Variants in SPAG16 observed in about 807,000 individuals in gnomAD.
The protein encoded by SPAG16 is sperm associated antigen 16, also known as sperm-associated antigen 16 protein.
Under a neutral mutation model 80.4 loss-of-function variants are expected in SPAG16, and 86 were observed. That is an observed-to-expected ratio of 1.07 (90% CI 0.90 to 1.28). The LOEUF (loss-of-function observed/expected upper bound fraction) is 1.28, where lower values mean the gene tolerates loss of function less well. SPAG16 is among the 50% of genes most tolerant of loss of function. The pLI is 0.00. For missense variants in SPAG16, 870 were observed against 765.3 expected, an observed-to-expected ratio of 1.14 and a Z score of -1.61; for synonymous variants, 294 against 265.9, an observed-to-expected ratio of 1.11 and a Z score of -1.03.
chr2:213,394,054 G>A (rs1405831005), intron 9 of SPAG16, among the ~76,000 whole-genome samples: 1 of 151,926 alleles, frequency 6.6e-6, no homozygotes, highest in Non-Finnish European at 1.5e-5. Context: ...TATTTTTTCA[G>A]TGAATATAAG....
chr2:213,369,068 G>A (rs896722219), intron 8 of SPAG16, among the ~76,000 whole-genome samples: 1 of 152,076 alleles, frequency 6.6e-6, no homozygotes, highest in Non-Finnish European at 1.5e-5. Context: ...CAATAAAATG[G>A]TATTTTTAAA....
intron 10 of SPAG16, among the ~76,000 whole-genome samples, chr2:213,730,570 C>T (rs1257469816): frequency 1.3e-5 from 2 of 152,132 alleles, no homozygotes; most frequent in Non-Finnish European, 2.9e-5. Flanking sequence ...TTCTTATTAT[C>T]GTTTCTCTAT....
intron 5 of SPAG16, among the ~76,000 whole-genome samples, chr2:213,320,391 T>C (rs1474216640): frequency 6.6e-6 from 1 of 152,000 alleles, no homozygotes; most frequent in Admixed American, 6.6e-5. Flanking sequence ...CTCAAACATT[T>C]ATGATTTTTT....
chr2:213,391,893 A>G (rs2067772843), intron 9 of SPAG16, among the ~76,000 whole-genome samples: 1 of 152,162 alleles, frequency 6.6e-6, no homozygotes, highest in African/African-American at 2.4e-5. Context: ...AAACATGGAG[A>G]TTAGAGAATT....
intron 12 of SPAG16, among the ~76,000 whole-genome samples, chr2:213,999,273 G>C (rs1311026284): frequency 6.6e-6 from 1 of 152,212 alleles, no homozygotes; most frequent in Non-Finnish European, 1.5e-5. Context: ...TTTTTGCCCT[G>C]CATCCCAGAT....
At chr2:214,123,699 G>A (rs2054332972) in intron 14 of SPAG16, among the ~76,000 whole-genome samples, 1 of 151,992 alleles carries the variant, frequency 6.6e-6, no homozygotes, top group Admixed American at 6.6e-5. Context: ...TAAGGTGAGA[G>A]TTGGGGCTTA....
intron 10 of SPAG16, among the ~76,000 whole-genome samples, chr2:213,508,153 C>T (rs565282663): frequency 5.6e-4 from 86 of 152,296 alleles, no homozygotes; most frequent in Non-Finnish European, 9.0e-4. Context: ...CACATGCACA[C>T]GTATGTTTAT....
At chr2:214,364,233 A>G (rs1699345360) in intron 15 of SPAG16, among the ~76,000 whole-genome samples, 1 of 152,062 alleles carries the variant, frequency 6.6e-6, no homozygotes, top group South Asian at 2.1e-4. Flanking sequence ...TCGGACATAT[A>G]CCAGATTCTC....
intron 9 of SPAG16, among the ~76,000 whole-genome samples, chr2:213,400,788 C>T (rs571537446): frequency 6.6e-6 from 1 of 151,994 alleles, no homozygotes; most frequent in Admixed American, 6.6e-5. Context: ...GATTCTACTT[C>T]CCTGATTTTT....
At chr2:213,796,290 GAAA>G (rs1332373215) in intron 10 of SPAG16, among the ~76,000 whole-genome samples, 5 of 151,738 alleles carry the variant, frequency 3.3e-5, no homozygotes, top group African/African-American at 1.2e-4. Context: ...CATTACCCCC[GAAA>G]AAAGTCCATA....
chr2:214,081,107 T>C (rs1160371496), intron 13 of SPAG16, among the ~76,000 whole-genome samples: 1 of 150,654 alleles, frequency 6.6e-6, no homozygotes, highest in Non-Finnish European at 1.5e-5. Flanking sequence ...AATATTAGAA[T>C]TTAAATATAA....
intron 10 of SPAG16, among the ~76,000 whole-genome samples, chr2:213,719,887 C>G (rs573532136): frequency 6.6e-6 from 1 of 152,140 alleles, no homozygotes; most frequent in African/African-American, 2.4e-5. Flanking sequence ...CACATGCACA[C>G]GTATGTTTAT....
intron 10 of SPAG16, among the ~76,000 whole-genome samples, chr2:213,638,085 A>G (rs1321170857): frequency 1.3e-5 from 2 of 152,062 alleles, no homozygotes; most frequent in Non-Finnish European, 1.5e-5. Context: ...TGTATTGGTT[A>G]TAGTATCTCC....
At chr2:213,684,547 A>G (rs896655251) in intron 10 of SPAG16, among the ~76,000 whole-genome samples, 6 of 152,248 alleles carry the variant, frequency 3.9e-5, no homozygotes, top group African/African-American at 1.2e-4. Flanking sequence ...AGATCACTTC[A>G]TATTTCCAAC....
At chr2:213,425,659 A>C (rs1419256196) in intron 9 of SPAG16, among the ~76,000 whole-genome samples, 1 of 151,988 alleles carries the variant, frequency 6.6e-6, no homozygotes, top group Non-Finnish European at 1.5e-5. Flanking sequence ...CTCAAAAAAA[A>C]AAAAAAAAAA....
At chr2:213,452,507 G>C in intron 9 of SPAG16, among the ~76,000 whole-genome samples, 1 of 152,094 alleles carries the variant, frequency 6.6e-6, no homozygotes, top group East Asian at 1.9e-4. Flanking sequence ...ACTAACCCTA[G>C]TCAAATCACA....
chr2:213,838,347 A>AT lies in SPAG16; in HGVS notation c.1071-24133dup, dbSNP rs370421126. On this transcript the variant is annotated intron_variant, in intron 10 of 15. Transcript: ENST00000331683. ...CCACCACTCCCAGCTATTTTTTTGT[A>AT]TTTTTAGTAGAGACAGGGTTTCACC... Among the ~76,000 whole-genome samples, 1,262 of 152,044 alleles carry AT rather than the reference A, an allele frequency of 8.3e-3. 19 individuals are homozygous for AT. Among genetic ancestry groups the AT allele is most frequent in the African/African-American group, 0.029 (1,184 of 41,484 alleles).
intron 12 of SPAG16, among the ~76,000 whole-genome samples, chr2:214,010,519 C>T (rs2047232650): frequency 6.8e-6 from 1 of 146,302 alleles, no homozygotes. Context: ...ACTGTAAGGG[C>T]TCTTGGGTGT....
At chr2:213,660,810 A>C (rs939650773) in intron 10 of SPAG16, among the ~76,000 whole-genome samples, 2 of 152,212 alleles carry the variant, frequency 1.3e-5, no homozygotes, top group African/African-American at 4.8e-5. Flanking sequence ...ATATGCTTCA[A>C]AAGAAATGCT....
Sources: gnomAD v4.1 joint callset for allele counts (sites outside exome capture counted in the v4.1 genomes callset) on GRCh38, gnomAD v4.1.1 for gene constraint, MANE v1.5 for transcripts, NCBI Gene and HGNC (gene_info 2026-07-23, HGNC 2026-07-21) for gene names.